NSUN6: variants seen among roughly 807,000 people sequenced by gnomAD.
The protein encoded by NSUN6 is tRNA (cytosine(72)-C(5))-methyltransferase NSUN6.
NSUN6 carries 64 observed loss-of-function variants against 58.0 expected under a neutral mutation model. The ratio of observed to expected loss-of-function variants is 1.10; its 90% CI spans 0.90 to 1.36. The LOEUF (loss-of-function observed/expected upper bound fraction) is 1.36. Among genes scored for constraint, NSUN6 ranks in the 40% most tolerant of loss-of-function variants. NSUN6 has a pLI of 0.00. For missense variants in NSUN6, 701 were observed against 550.1 expected (o/e 1.27, Z -2.74); for synonymous variants, 231 against 193.9 (o/e 1.19, Z -1.59).
intron 1 of NSUN6, among the ~76,000 whole-genome samples, chr10:18,650,724 G>A (rs915936296): frequency 5.9e-5 from 9 of 152,218 alleles, no homozygotes; most frequent in Non-Finnish European, 1.2e-4. Flanking sequence ...GATTAAAGAT[G>A]CAAATCTCCT....
rs140572895 is a variant in NSUN6 at position 18,651,256 on chromosome 10, G to GTTTT, written c.-57_-54dup. On this transcript the variant is annotated 5_prime_UTR_variant, in exon 1 of 11. Coordinates refer to ENST00000377304, the MANE Select transcript of NSUN6 (RefSeq NM_182543.5). ...GAGAAATGCTGGAAAACGGTGTTTT[G>GTTTT]TTTTTTTTTTTCTTTCCGAATTAAT... 1.3e-5 allele frequency: 18 copies of GTTTT among 1,360,972 alleles called. No individual in the cohort carries two copies. Among genetic ancestry groups the GTTTT allele is most frequent in the African/African-American group, 1.6e-5 (1 of 64,238 alleles). 84.3% of individuals were successfully genotyped at this position (1,360,972 alleles called of 1,614,324 possible).
At chr10:18,638,860 G>C (rs1272404833) in intron 3 of NSUN6, among the ~76,000 whole-genome samples, 2 of 147,264 alleles carry the variant, frequency 1.4e-5, no homozygotes, top group Admixed American at 1.4e-4. Flanking sequence ...TAAGAAATGA[G>C]AAACTGTGCC....
intron 3 of NSUN6, among the ~76,000 whole-genome samples, chr10:18,632,470 C>T (rs4522067): frequency 0.2 from 29,336 of 145,510 alleles, 3,175 homozygotes; most frequent in South Asian, 0.29. Context: ...GAACAGGCAA[C>T]CTACAAAATG....
At chr10:18,587,943 A>G (rs1045793531) in intron 7 of NSUN6, among the ~76,000 whole-genome samples, 1 of 151,862 alleles carries the variant, frequency 6.6e-6, no homozygotes, top group African/African-American at 2.4e-5. Flanking sequence ...ACTCCCCTGG[A>G]AAGGGGGCTA....
intron 7 of NSUN6, among the ~76,000 whole-genome samples, chr10:18,586,619 C>T (rs1178772178): frequency 6.6e-6 from 1 of 152,118 alleles, no homozygotes; most frequent in Non-Finnish European, 1.5e-5. Flanking sequence ...CCAGTGGGTT[C>T]GTGGTCTCGC....
At chr10:18,576,781 G>T (rs548050239) in intron 8 of NSUN6, among the ~76,000 whole-genome samples, 11 of 152,318 alleles carry the variant, frequency 7.2e-5, no homozygotes, top group Admixed American at 6.5e-4. Context: ...GCAGATTGTG[G>T]TGGTATTGTG....
intron 8 of NSUN6, among the ~76,000 whole-genome samples, chr10:18,560,408 A>T (rs558995149): frequency 6.6e-6 from 1 of 151,312 alleles, no homozygotes; most frequent in South Asian, 2.1e-4. Flanking sequence ...TAGAGAATGA[A>T]GTGGGCAACG....
chr10:18,595,771 T>C (rs2057560265), intron 7 of NSUN6, among the ~76,000 whole-genome samples: 1 of 152,298 alleles, frequency 6.6e-6, no homozygotes, highest in Non-Finnish European at 1.5e-5. Context: ...TAACTTCAAA[T>C]AGTAAATATT....
At chr10:18,593,257 TG>T (rs2057447050) in intron 7 of NSUN6, among the ~76,000 whole-genome samples, 1 of 152,172 alleles carries the variant, frequency 6.6e-6, no homozygotes, top group African/African-American at 2.4e-5. Flanking sequence ...ACACTGTTGG[TG>T]GGAGTGTAAA....
At chr10:18,586,200 A>G in intron 7 of NSUN6, 107 bp from the exon 8 acceptor site, 1 of 827,632 alleles carries the variant, frequency 1.2e-6, no homozygotes, top group East Asian at 2.8e-5. Flanking sequence ...GGTCTTTTCC[A>G]CCATACTCCC....
intron 6 of NSUN6, among the ~76,000 whole-genome samples, chr10:18,607,655 C>T (rs1375624160): frequency 1.3e-5 from 2 of 152,194 alleles, no homozygotes; most frequent in Non-Finnish European, 2.9e-5. Context: ...TAAATTAGGA[C>T]CCAAGAACTG....
rs531861023 is a variant in NSUN6, at chr10:18,628,851, C to T, written c.312-12558G>A. ...CTCTGCAGGATATTATCCAGGAGAA[C>T]TTCCCCACTCTAGCAAGGCAGGCCA... On this transcript the variant is annotated intron_variant, in intron 3 of 10. Coordinates refer to ENST00000377304, the MANE Select transcript of NSUN6 (RefSeq NM_182543.5). Among the ~76,000 whole-genome samples, 182 of 152,320 alleles carry T rather than the reference C, an allele frequency of 1.2e-3. 2 individuals carry two copies. The highest frequency in any genetic ancestry group is 5.0e-3 in the South Asian group (24 of 4,822).
intron 3 of NSUN6, among the ~76,000 whole-genome samples, chr10:18,618,290 T>C (rs2058482319): frequency 6.6e-6 from 1 of 152,220 alleles, no homozygotes; most frequent in African/African-American, 2.4e-5. Flanking sequence ...CTCACACTTC[T>C]TAAATTTTTC....
chr10:18,546,204 C>A, intron 10 of NSUN6, 59 bp from the exon 11 acceptor site: 1 of 1,169,682 alleles, frequency 8.5e-7, no homozygotes, highest in Non-Finnish European at 1.3e-6. Context: ...AGTATGACTG[C>A]TACAATTTAA....
At chr10:18,603,641 G>A (rs930159697) in intron 6 of NSUN6, among the ~76,000 whole-genome samples, 1 of 151,408 alleles carries the variant, frequency 6.6e-6, no homozygotes, top group African/African-American at 2.4e-5. Flanking sequence ...AGCTGATTTT[G>A]TGTGTGTGTA....
At chr10:18,553,150 CTTCCA>C (rs1338518946) in intron 8 of NSUN6, among the ~76,000 whole-genome samples, 1 of 150,456 alleles carries the variant, frequency 6.6e-6, no homozygotes, top group Admixed American at 6.6e-5. Context: ...TCTCCCTTCC[CTTCCA>C]TTCCATTCTC....
At chr10:18,653,507 G>GATC (rs1171180408), upstream of NSUN6, 1 of 157,512 alleles carries the variant, frequency 6.3e-6, no homozygotes, top group Non-Finnish European at 1.4e-5. Context: ...CAGTAGCTGG[G>GATC]ATCATAGGTG....
upstream of NSUN6, among the ~76,000 whole-genome samples, chr10:18,654,254 C>A (rs2059754310): frequency 6.7e-6 from 1 of 149,828 alleles, no homozygotes; most frequent in Admixed American, 6.7e-5. Context: ...TGCCACCATG[C>A]CCAGCTAGAC....
upstream of NSUN6, chr10:18,652,471 T>C: frequency 1.0e-6 from 1 of 984,920 alleles, no homozygotes; most frequent in Non-Finnish European, 1.2e-6. Flanking sequence ...AACAGGTACT[T>C]TCCATGACAC....
Sources: allele counts gnomAD v4.1 joint callset (sites outside exome capture counted in the v4.1 genomes callset), GRCh38; gene constraint gnomAD v4.1.1; transcripts MANE v1.5; gene names NCBI Gene and HGNC (gene_info 2026-07-23, HGNC 2026-07-21).